PDE4A: variants seen among roughly 807,000 people sequenced by gnomAD.
PDE4A encodes the protein phosphodiesterase 4A.
Under a neutral mutation model 73.9 loss-of-function variants are expected in PDE4A, and 21 were observed. The ratio of observed to expected loss-of-function variants is 0.28; its 90% CI spans 0.20 to 0.41. The LOEUF (loss-of-function observed/expected upper bound fraction) is 0.41. Ranked by LOEUF, PDE4A falls within the 10% of genes least tolerant of loss-of-function variation. The pLI is 1.00. For synonymous variants in PDE4A, 463 were observed against 505.4 expected, an observed-to-expected ratio of 0.92 and a Z score of 1.13; for missense variants, 958 against 1,211.4, an observed-to-expected ratio of 0.79 and a Z score of 3.10.
intron 14 of PDE4A, among the ~76,000 whole-genome samples, chr19:10,464,686 T>A (rs1338736548): frequency 6.8e-6 from 1 of 147,244 alleles, no homozygotes; most frequent in African/African-American, 2.5e-5. Context: ...GGATATGGGG[T>A]GAGTCACCAT....
chr19:10,461,786 C>G, intron 12 of PDE4A, 91 bp from the exon 13 acceptor site: 1 of 1,578,788 alleles, frequency 6.3e-7, no homozygotes, highest in Non-Finnish European at 8.6e-7. Flanking sequence ...CTGGACAGAG[C>G]GGGCGGCTTC....
Position 10,420,541 on chromosome 19 carries a change from C to T in PDE4A, c.-224C>T. The T allele has an allele frequency of 8.7e-7, 1 of 1,152,118 alleles. No individual in the cohort carries two copies. 71.4% of individuals were successfully genotyped at this position (1,152,118 alleles called of 1,614,324 possible). ...AACGCGGAGCGCGGAGCGCGGAGAG[C>T]GCCGCCGGGCACTGAGCAGAGCTCC... is the stretch of plus-strand genomic sequence containing the variant. On this transcript the variant is annotated 5_prime_UTR_variant, in exon 1 of 15. Transcript: ENST00000380702. This position sits in a 1 kb window ranked among gnomAD's most constrained non-coding sequence, Gnocchi z 6.0.
At chr19:10,455,778 A>C (rs1383527498) in intron 7 of PDE4A, among the ~76,000 whole-genome samples, 1 of 151,808 alleles carries the variant, frequency 6.6e-6, no homozygotes. Flanking sequence ...ATAAACAAAA[A>C]AAAAAAGCCT....
At chr19:10,457,453 CA>C (rs1287113607) in intron 7 of PDE4A, among the ~76,000 whole-genome samples, 1 of 113,422 alleles carries the variant, frequency 8.8e-6, no homozygotes, top group Admixed American at 1.0e-4. Context: ...GGGGCAGGGA[CA>C]TGGAGCCAGA....
At chr19:10,443,069 C>T (rs1356744999) in intron 1 of PDE4A, among the ~76,000 whole-genome samples, 1 of 151,996 alleles carries the variant, frequency 6.6e-6, no homozygotes, top group African/African-American at 2.4e-5. Flanking sequence ...GTCCCAGCCA[C>T]TCCCGAGGCT....
chr19:10,426,478 C>T (rs1431916158), intron 1 of PDE4A, among the ~76,000 whole-genome samples: 1 of 152,084 alleles, frequency 6.6e-6, no homozygotes, highest in Non-Finnish European at 1.5e-5. Flanking sequence ...AATTCTTCGC[C>T]TTTCAGTGTG....
In PDE4A at chr19:10,467,302, A is replaced by G. The variant is rs1368823457; in HGVS notation, c.2342A>G (p.Gln781Arg). Residue 781 changes from glutamine to arginine, a missense_variant, in exon 15 of 15, where the codon CAG becomes CGG. By Grantham distance (43) the Gln-to-Arg change is conservative. Transcript: ENST00000380702. Reference protein sequence around the residue: ...EAELEAVYLTQQAQSTGSAPV... With the variant: ...EAELEAVYLTRQAQSTGSAPV... ...GAGCTGGAGGCAGTGTATTTGACAC[A>G]GCAGGCACAGTCCACAGGCAGTGCA... 1.2e-6 allele frequency: 2 copies of G among 1,614,084 alleles called. No individual in the cohort carries two copies. The highest frequency in any genetic ancestry group is 1.3e-5 in the African/African-American group (1 of 74,936).
chr19:10,448,870 A>T (rs909755147), intron 2 of PDE4A, 47 bp from the exon 3 acceptor site: 10 of 1,611,842 alleles, frequency 6.2e-6, no homozygotes, highest in African/African-American at 1.3e-5. Context: ...TACCCCAGAC[A>T]GTTGCTTCTC....
chr19:10,420,147 GC>G, upstream of PDE4A: 2 of 152,662 alleles, frequency 1.3e-5, no homozygotes, highest in Non-Finnish European at 2.9e-5. The surrounding 1 kb of genome is among the most constrained non-coding windows in gnomAD (Gnocchi z 6.0). Context: ...CTCAAAAACT[GC>G]CCCCCGCCAG....
chr19:10,430,533 G>C (rs1219543783), intron 1 of PDE4A, among the ~76,000 whole-genome samples: 2 of 152,084 alleles, frequency 1.3e-5, no homozygotes, highest in Non-Finnish European at 1.5e-5. Context: ...CAACACCACG[G>C]GGAGTTTGCA....
At chr19:10,432,386 C>T (rs921298150) in intron 1 of PDE4A, 5 of 1,339,744 alleles carry the variant, frequency 3.7e-6, no homozygotes, top group Admixed American at 4.2e-5. Flanking sequence ...CGCGCCACAC[C>T]GCCCTGCCGC....
chr19:10,431,598 C>G (rs1319690140), intron 1 of PDE4A, among the ~76,000 whole-genome samples: 1 of 152,220 alleles, frequency 6.6e-6, no homozygotes, highest in African/African-American at 2.4e-5. Flanking sequence ...TTTCTAATGT[C>G]CTTATATCCT....
intron 14 of PDE4A, chr19:10,464,488 C>T (rs2043331105): frequency 1.5e-5 from 7 of 453,412 alleles, no homozygotes; most frequent in South Asian, 1.1e-4. Flanking sequence ...GTGATCATAG[C>T]TCACTGCAGC....
intron 1 of PDE4A, chr19:10,427,700 C>T: frequency 1.1e-6 from 1 of 947,104 alleles, no homozygotes; most frequent in Non-Finnish European, 1.3e-6. Context: ...AGACCCTAGC[C>T]AAGTCACTCC....
At chr19:10,417,074 T>C (rs544994437), upstream of PDE4A, 2 of 1,491,006 alleles carry the variant, frequency 1.3e-6, no homozygotes, top group African/African-American at 2.8e-5. Flanking sequence ...GGCTATTTCC[T>C]GAACGTGGCT....
At position 10,446,342 on chromosome 19, in the gene PDE4A, C is replaced by T. The variant is rs1214475711; in HGVS notation, c.445C>T (p.Arg149Cys). 6.2e-7 allele frequency: 1 copy of T among 1,613,966 alleles called. No individual in the cohort carries two copies. Among genetic ancestry groups the T allele is most frequent in the Non-Finnish European group, 8.5e-7 (1 of 1,179,864 alleles). The change falls in exon 2 of 15, where the codon CGC becomes TGC. Residue 149 changes from arginine (R) to cysteine (C), a missense_variant. Transcript: ENST00000380702. Reference protein sequence around the residue: ...TSQRRESFLYRSDSDYDMSPK... With the variant: ...TSQRRESFLYCSDSDYDMSPK... ...CCAGCGCCGGGAGTCCTTCCTGTAC[C>T]GCTCAGACAGCGACTATGACATGTC...
chr19:10,438,056 G>A (rs1015154743), intron 1 of PDE4A, among the ~76,000 whole-genome samples: 36 of 151,446 alleles, frequency 2.4e-4, no homozygotes, highest in African/African-American at 8.7e-4. Context: ...CAATCCTCCC[G>A]CGTGGGCCTC....
intron 13 of PDE4A, among the ~76,000 whole-genome samples, 194 bp downstream of exon 13, chr19:10,462,193 G>T (rs554714532): frequency 6.6e-6 from 1 of 152,192 alleles, no homozygotes; most frequent in Non-Finnish European, 1.5e-5. Context: ...GAATGCAATG[G>T]CGCCATCTTG....
At chr19:10,417,993 C>T, upstream of PDE4A, 1 of 1,102,988 alleles carries the variant, frequency 9.1e-7, no homozygotes, top group Non-Finnish European at 1.3e-6. Context: ...TGCAACTTGT[C>T]CTGTGGCGGG....
Sources: gnomAD v4.1 joint callset for allele counts (sites outside exome capture counted in the v4.1 genomes callset) on GRCh38, gnomAD v4.1.1 for gene constraint, Gnocchi (gnomAD v3.1) non-coding constraint, MANE v1.5 for transcripts, NCBI Gene and HGNC (gene_info 2026-07-23, HGNC 2026-07-21) for gene names.